Variants in AFG2A observed in about 807,000 individuals in gnomAD.
The protein encoded by AFG2A is ATPase family gene 2 protein homolog A.
chr4:123,233,783 A>G, the AFG2A span, among the ~76,000 whole-genome samples: 7 of 151,842 alleles, frequency 4.6e-5, no homozygotes, highest in Non-Finnish European at 8.8e-5. Flanking sequence ...ATACATATAT[A>G]CCTCAGTATA....
At chr4:123,015,190 T>C in the AFG2A span, among the ~76,000 whole-genome samples, 15 of 150,684 alleles carry the variant, frequency 1.0e-4, no homozygotes, top group African/African-American at 3.2e-4. Flanking sequence ...TTCTTTCTTT[T>C]TTTTTTTTTT....
the AFG2A span, among the ~76,000 whole-genome samples, chr4:123,306,358 G>A: frequency 1.3e-5 from 2 of 152,228 alleles, no homozygotes; most frequent in Non-Finnish European, 2.9e-5. Flanking sequence ...AAGAAAATTT[G>A]TGACATGTTG....
At chr4:123,000,339 A>G in the AFG2A span, among the ~76,000 whole-genome samples, 4 of 150,800 alleles carry the variant, frequency 2.7e-5, no homozygotes, top group Admixed American at 2.0e-4. Flanking sequence ...TTCCAACACT[A>G]TGTTGAATAG....
At chr4:123,062,376 A>G in the AFG2A span, among the ~76,000 whole-genome samples, 1 of 152,196 alleles carries the variant, frequency 6.6e-6, no homozygotes, top group Non-Finnish European at 1.5e-5. Flanking sequence ...AATCATCTGC[A>G]GTACTTTGAT....
At chr4:123,283,688 T>G in the AFG2A span, among the ~76,000 whole-genome samples, 2 of 152,146 alleles carry the variant, frequency 1.3e-5, no homozygotes, top group African/African-American at 2.4e-5. Context: ...AAAAGAAGAA[T>G]AATACCTCAT....
the AFG2A span, among the ~76,000 whole-genome samples, chr4:123,085,436 T>C: frequency 6.6e-6 from 1 of 152,196 alleles, no homozygotes; most frequent in Non-Finnish European, 1.5e-5. Context: ...ATTTACCCTT[T>C]TATCATTATA....
the AFG2A span, among the ~76,000 whole-genome samples, chr4:123,072,547 A>G: frequency 6.6e-6 from 1 of 152,212 alleles, no homozygotes; most frequent in South Asian, 2.1e-4. Context: ...AAACAGCCCA[A>G]AAAAGTGAGC....
chr4:123,272,359 TATC>T, the AFG2A span, among the ~76,000 whole-genome samples: 1 of 152,182 alleles, frequency 6.6e-6, no homozygotes, highest in Non-Finnish European at 1.5e-5. Flanking sequence ...TTATGTACAA[TATC>T]ATGAACATAT....
chr4:123,209,428 T>TC, the AFG2A span, among the ~76,000 whole-genome samples: 4 of 152,074 alleles, frequency 2.6e-5, no homozygotes, highest in African/African-American at 9.7e-5. Context: ...AATTTTTTTT[T>TC]CAACTCATAT....
chr4:123,168,614 T>C, the AFG2A span, among the ~76,000 whole-genome samples: 1 of 152,128 alleles, frequency 6.6e-6, no homozygotes, highest in African/African-American at 2.4e-5. Context: ...GGATACCACT[T>C]CAAATGGGGA....
the AFG2A span, among the ~76,000 whole-genome samples, chr4:123,015,882 G>A: frequency 4.7e-4 from 16 of 33,706 alleles, no homozygotes; most frequent in East Asian, 2.4e-3. Context: ...CCTCCCTCCC[G>A]GACGGGGCGG....
the AFG2A span, among the ~76,000 whole-genome samples, chr4:123,059,914 G>C: frequency 4.2e-4 from 64 of 152,188 alleles, no homozygotes; most frequent in Non-Finnish European, 3.8e-4. Flanking sequence ...GTGATGGTGA[G>C]CATTTTTTCA....
chr4:123,084,339 G>A, the AFG2A span, among the ~76,000 whole-genome samples: 5 of 150,580 alleles, frequency 3.3e-5, no homozygotes, highest in Non-Finnish European at 4.4e-5. Flanking sequence ...TATTTCTTTC[G>A]TTCTGCTTAC....
At chr4:122,945,137 C>T in the AFG2A span, among the ~76,000 whole-genome samples, 4 of 152,188 alleles carry the variant, frequency 2.6e-5, no homozygotes, top group African/African-American at 7.2e-5. Flanking sequence ...TCTCCAGCTG[C>T]GTGCTGGGAG....
At chr4:123,042,400 A>G in the AFG2A span, among the ~76,000 whole-genome samples, 1 of 152,100 alleles carries the variant, frequency 6.6e-6, no homozygotes, top group African/African-American at 2.4e-5. Flanking sequence ...CTCATTCATG[A>G]GGGCTCCACC....
the AFG2A span, among the ~76,000 whole-genome samples, chr4:122,929,926 A>G: frequency 6.6e-6 from 1 of 152,104 alleles, no homozygotes; most frequent in African/African-American, 2.4e-5. Context: ...TTGATTTTCC[A>G]TGATTAGAGT....
At chr4:122,936,123 A>G in the AFG2A span, 1 of 1,604,684 alleles carries the variant, frequency 6.2e-7, no homozygotes, top group Non-Finnish European at 8.5e-7. Flanking sequence ...ACTGAAGCAA[A>G]GTTACGTCAG....
chr4:123,062,903 G>A, the AFG2A span, among the ~76,000 whole-genome samples: 4 of 152,078 alleles, frequency 2.6e-5, no homozygotes, highest in Non-Finnish European at 4.4e-5. Flanking sequence ...TTGGCATTTC[G>A]GAAAGCAAAG....
the AFG2A span, among the ~76,000 whole-genome samples, chr4:123,021,241 G>T: frequency 6.7e-6 from 1 of 150,028 alleles, no homozygotes; most frequent in Non-Finnish European, 1.5e-5. Flanking sequence ...AATGATTTTT[G>T]AAATGGACTC....
Sources: allele counts gnomAD v4.1 joint callset (sites outside exome capture counted in the v4.1 genomes callset), GRCh38; gene constraint gnomAD v4.1.1; transcripts MANE v1.5; gene names NCBI Gene and HGNC (gene_info 2026-07-23, HGNC 2026-07-21).